Variants in HCN1 observed in about 807,000 individuals in gnomAD.
The protein encoded by HCN1 is potassium/sodium hyperpolarization-activated cyclic nucleotide-gated channel 1.
In HCN1, 13 loss-of-function variants were observed where a neutral mutation model predicts 78.9. The ratio of observed to expected loss-of-function variants is 0.16; its 90% CI spans 0.11 to 0.26. The LOEUF (loss-of-function observed/expected upper bound fraction) is 0.26. Ranked by LOEUF, HCN1 falls within the 10% of genes least tolerant of loss-of-function variation. The probability of loss-of-function intolerance (pLI) is 1.00; values close to 1 mark genes in which losing one functional copy is unlikely to be tolerated. For synonymous variants in HCN1, 552 were observed against 455.5 expected (o/e 1.21, Z -2.70); for missense variants, 810 against 1,154.3 (o/e 0.70, Z 4.32).
chr5:45,523,087 C>T (rs1320427650), intron 2 of HCN1, among the ~76,000 whole-genome samples: 1 of 151,520 alleles, frequency 6.6e-6, no homozygotes, highest in South Asian at 2.1e-4. Flanking sequence ...CAATTCCCAC[C>T]TATGAGTGAG....
chr5:45,338,005 G>T (rs1402221695), intron 5 of HCN1, among the ~76,000 whole-genome samples: 1 of 152,148 alleles, frequency 6.6e-6, no homozygotes, highest in Non-Finnish European at 1.5e-5. Flanking sequence ...TATATGCATG[G>T]TATGAGGTTT....
intron 3 of HCN1, among the ~76,000 whole-genome samples, chr5:45,406,997 C>T (rs889194862): frequency 2.6e-5 from 4 of 152,138 alleles, no homozygotes; most frequent in Non-Finnish European, 5.9e-5. Context: ...TAGGAACAGT[C>T]CTCTAGAAGA....
intron 1 of HCN1, among the ~76,000 whole-genome samples, chr5:45,692,206 C>T (rs6451812): frequency 0.49 from 73,907 of 152,074 alleles, 18,793 homozygotes; most frequent in African/African-American, 0.63. Flanking sequence ...ATTCTTTCAA[C>T]CTATTTAAAT....
chr5:45,567,790 C>A (rs950485758), intron 2 of HCN1, among the ~76,000 whole-genome samples: 1 of 151,912 alleles, frequency 6.6e-6, no homozygotes. Flanking sequence ...TTTTAACTGT[C>A]CCTGGAAAGT....
intron 6 of HCN1, among the ~76,000 whole-genome samples, chr5:45,297,312 G>A (rs1010441259): frequency 2.7e-4 from 41 of 152,032 alleles, no homozygotes; most frequent in African/African-American, 8.9e-4. Context: ...GGCGGGCCAG[G>A]TGTTCCTTGT....
At chr5:45,317,807 T>G (rs1051469645) in intron 5 of HCN1, among the ~76,000 whole-genome samples, 8 of 151,930 alleles carry the variant, frequency 5.3e-5, no homozygotes, top group Non-Finnish European at 4.4e-5. Context: ...AACAGACACA[T>G]GAAAAAATGC....
chr5:45,313,260 T>G (rs903331646), intron 5 of HCN1, among the ~76,000 whole-genome samples: 1 of 152,174 alleles, frequency 6.6e-6, no homozygotes, highest in Non-Finnish European at 1.5e-5. Flanking sequence ...AAACAGGGTC[T>G]GGAGTGAACC....
chr5:45,560,670 AC>A (rs1561201288), intron 2 of HCN1, among the ~76,000 whole-genome samples: 1 of 152,200 alleles, frequency 6.6e-6, no homozygotes, highest in Admixed American at 6.5e-5. Context: ...ACAAATAAAA[AC>A]AATGTGTTTA....
chr5:45,294,044 GA>G (rs1041136281), intron 6 of HCN1, among the ~76,000 whole-genome samples: 1 of 151,868 alleles, frequency 6.6e-6, no homozygotes, highest in African/African-American at 2.4e-5. Context: ...AAATGTAATA[GA>G]AAAAATTGAG....
At chr5:45,402,730 A>T (rs1236019116) in intron 3 of HCN1, among the ~76,000 whole-genome samples, 1 of 151,988 alleles carries the variant, frequency 6.6e-6, no homozygotes, top group African/African-American at 2.4e-5. Context: ...AGGATTAATG[A>T]AATATAGGCT....
chr5:45,331,704 T>C (rs182872819), intron 5 of HCN1, among the ~76,000 whole-genome samples: 99 of 151,532 alleles, frequency 6.5e-4, no homozygotes, highest in Middle Eastern at 3.4e-3. Flanking sequence ...CACTAAGTAA[T>C]TTATTTGATG....
intron 2 of HCN1, among the ~76,000 whole-genome samples, chr5:45,463,357 T>C (rs1741204283): frequency 1.3e-5 from 2 of 151,998 alleles, no homozygotes; most frequent in Non-Finnish European, 2.9e-5. Context: ...AATTCTTTCT[T>C]TAAACAATCT....
intron 4 of HCN1, among the ~76,000 whole-genome samples, chr5:45,393,306 A>T (rs1172491027): frequency 6.6e-6 from 1 of 152,186 alleles, no homozygotes; most frequent in African/African-American, 2.4e-5. Context: ...AGCTTCTATT[A>T]CTATAGTTAT....
intron 4 of HCN1, among the ~76,000 whole-genome samples, chr5:45,395,497 G>T (rs1407688821): frequency 6.6e-6 from 1 of 152,064 alleles, no homozygotes; most frequent in Non-Finnish European, 1.5e-5. Flanking sequence ...TATATTCAAG[G>T]GAAATATCTA....
chr5:45,553,605 C>T (rs897501217), intron 2 of HCN1, among the ~76,000 whole-genome samples: 1 of 151,868 alleles, frequency 6.6e-6, no homozygotes, highest in Non-Finnish European at 1.5e-5. Flanking sequence ...ATGCTCATCA[C>T]TGACATAAAA....
intron 4 of HCN1, among the ~76,000 whole-genome samples, chr5:45,361,514 A>G (rs1747108887): frequency 1.3e-5 from 2 of 152,138 alleles, no homozygotes; most frequent in Admixed American, 6.6e-5. Context: ...GTTTCACCAC[A>G]TTGGTTAGAC....
intron 6 of HCN1, among the ~76,000 whole-genome samples, chr5:45,282,731 A>AAT (rs1311366795): frequency 2.6e-5 from 4 of 152,180 alleles, no homozygotes; most frequent in Non-Finnish European, 5.9e-5. Context: ...TGTTATGGGA[A>AAT]ATATACCCCG....
At chr5:45,457,272 C>T (rs1741047329) in intron 3 of HCN1, among the ~76,000 whole-genome samples, 1 of 151,970 alleles carries the variant, frequency 6.6e-6, no homozygotes, top group African/African-American at 2.4e-5. Context: ...TTCTTATATT[C>T]TTAAAATGAA....
chr5:45,298,586 T>A (rs1261640805), intron 6 of HCN1, among the ~76,000 whole-genome samples: 2 of 151,994 alleles, frequency 1.3e-5, no homozygotes, highest in Admixed American at 1.3e-4. Flanking sequence ...TAGTACTGGA[T>A]TATAACCCAA....
Sources: gnomAD v4.1 joint callset for allele counts (sites outside exome capture counted in the v4.1 genomes callset) on GRCh38, gnomAD v4.1.1 for gene constraint, MANE v1.5 for transcripts, NCBI Gene and HGNC (gene_info 2026-07-23, HGNC 2026-07-21) for gene names.